Variants in RIMS2 observed in about 807,000 individuals in gnomAD.
RIMS2 encodes regulating synaptic membrane exocytosis 2.
A neutral mutation model predicts 174.4 loss-of-function variants in RIMS2; 59 were observed. The observed-to-expected ratio is 0.34, with a 90% confidence interval of 0.27 to 0.42. The LOEUF (loss-of-function observed/expected upper bound fraction) is 0.42, where lower values mean the gene tolerates loss of function less well. RIMS2 is among the 10% of genes least tolerant of loss of function. The pLI, the probability that RIMS2 is intolerant of heterozygous loss-of-function variation, is 1.00. For missense variants in RIMS2, 1,620 were observed against 1,666.3 expected (o/e 0.97, Z 0.48); for synonymous variants, 606 against 572.5 (o/e 1.06, Z -0.84).
intron 9 of RIMS2, among the ~76,000 whole-genome samples, chr8:103,919,326 C>T (rs184058285): frequency 2.0e-5 from 3 of 152,202 alleles, no homozygotes; most frequent in East Asian, 1.9e-4. Flanking sequence ...GGAAATTCAA[C>T]GAGGCCAGTG....
At chr8:104,239,918 A>G (rs2099277840) in intron 19 of RIMS2, among the ~76,000 whole-genome samples, 1 of 152,132 alleles carries the variant, frequency 6.6e-6, no homozygotes, top group African/African-American at 2.4e-5. Flanking sequence ...TCAGCTTTCA[A>G]GGCCCTTTCG....
At chr8:104,092,448 C>G (rs2097678020) in intron 19 of RIMS2, among the ~76,000 whole-genome samples, 1 of 151,690 alleles carries the variant, frequency 6.6e-6, no homozygotes, top group Non-Finnish European at 1.5e-5. Context: ...ATCTCTTAAC[C>G]CAATAGTAGT....
intron 3 of RIMS2, among the ~76,000 whole-genome samples, chr8:103,780,273 G>A (rs1486799207): frequency 1.3e-5 from 2 of 151,918 alleles, no homozygotes; most frequent in African/African-American, 4.8e-5. Context: ...CCTCTACCTG[G>A]ATATTTATGT....
intron 2 of RIMS2, among the ~76,000 whole-genome samples, chr8:103,728,393 T>C (rs920705129): frequency 3.3e-5 from 5 of 152,114 alleles, no homozygotes; most frequent in South Asian, 4.1e-4. Context: ...ATTTGACTTA[T>C]TTATTTCTCA....
chr8:104,137,180 A>C (rs2098528035), intron 19 of RIMS2, among the ~76,000 whole-genome samples: 1 of 152,218 alleles, frequency 6.6e-6, no homozygotes, highest in Non-Finnish European at 1.5e-5. Flanking sequence ...TCAAGGCCAC[A>C]GACCATCTCT....
intron 16 of RIMS2, chr8:103,977,471 A>T (rs2093549669): frequency 6.6e-6 from 1 of 152,202 alleles, no homozygotes; most frequent in South Asian, 2.1e-4. Context: ...AAAAGGAAAA[A>T]CCAAAATGTT....
intron 19 of RIMS2, among the ~76,000 whole-genome samples, chr8:104,213,890 A>AT (rs2099117493): frequency 8.6e-6 from 1 of 115,916 alleles, no homozygotes; most frequent in Non-Finnish European, 2.0e-5. Flanking sequence ...AAAAAAAAAA[A>AT]GAAGAAGAAG....
chr8:103,528,428 G>A (rs1445990527), intron 1 of RIMS2, among the ~76,000 whole-genome samples: 1 of 152,040 alleles, frequency 6.6e-6, no homozygotes, highest in Non-Finnish European at 1.5e-5. Context: ...GGCTTTTGTT[G>A]CCATTGCTTT....
chr8:104,191,160 G>C (rs185269498), intron 19 of RIMS2, among the ~76,000 whole-genome samples: 4 of 152,096 alleles, frequency 2.6e-5, no homozygotes, highest in Admixed American at 2.6e-4. Flanking sequence ...CAAGCTGTCA[G>C]TTGAAACATA....
At position 103,545,152 on chromosome 8, in the gene RIMS2, A is replaced by AACAAT. The variant is rs1844417251; in HGVS notation, c.176+44095_176+44099dup. Among the ~76,000 whole-genome samples the AACAAT allele has an allele frequency of 2.6e-5, 4 of 152,312 alleles. No homozygotes were observed. The South Asian group carries it at 8.3e-4, about 32-fold the overall frequency. Reference sequence around the variant, plus strand: ...CCAAAGAATCTAGGAAATACAATAAAACAATACAAGAGATAAAGACAAAAT... The same window carrying AACAAT: ...CCAAAGAATCTAGGAAATACAATAAAACAATACAATACAAGAGATAAAGACAAAAT... On this transcript the variant is annotated intron_variant, in intron 1 of 23. Coordinates refer to ENST00000504942, the Ensembl canonical transcript of RIMS2.
chr8:104,089,415 T>G (rs1176094183), intron 19 of RIMS2, among the ~76,000 whole-genome samples: 1 of 151,912 alleles, frequency 6.6e-6, no homozygotes, highest in Admixed American at 6.6e-5. Context: ...AAATGTTGAC[T>G]GTAGTATTAA....
chr8:103,581,788 GATACCTCACCACCAAA>G (rs1415245145), intron 1 of RIMS2, among the ~76,000 whole-genome samples: 6 of 152,178 alleles, frequency 3.9e-5, no homozygotes, highest in African/African-American at 1.4e-4. Context: ...CCCCCATAAG[GATACCTCACCACCAAA>G]GGCTGCATGT....
intron 1 of RIMS2, among the ~76,000 whole-genome samples, chr8:103,571,565 G>A (rs1416848450): frequency 1.3e-5 from 2 of 152,054 alleles, no homozygotes; most frequent in Admixed American, 6.5e-5. Flanking sequence ...TTTGTCATAT[G>A]TATATTTGTG....
chr8:104,001,478 C>T (rs529233362), intron 17 of RIMS2, among the ~76,000 whole-genome samples: 1 of 152,078 alleles, frequency 6.6e-6, no homozygotes, highest in East Asian at 1.9e-4. Context: ...CTTGAATCTA[C>T]CACCCAAACC....
At chr8:103,513,923 A>G (rs1415590547) in intron 1 of RIMS2, among the ~76,000 whole-genome samples, 1 of 152,160 alleles carries the variant, frequency 6.6e-6, no homozygotes, top group Non-Finnish European at 1.5e-5. Context: ...ATTTAAAACA[A>G]TTTAAATTTT....
At chr8:104,206,443 A>T (rs1385893107) in intron 19 of RIMS2, among the ~76,000 whole-genome samples, 1 of 152,170 alleles carries the variant, frequency 6.6e-6, no homozygotes, top group Non-Finnish European at 1.5e-5. Context: ...ATCATGGGAG[A>T]TGTTGCCTTG....
intron 1 of RIMS2, among the ~76,000 whole-genome samples, chr8:103,508,689 C>T (rs1012967091): frequency 6.6e-6 from 1 of 151,986 alleles, no homozygotes; most frequent in African/African-American, 2.4e-5. Flanking sequence ...GGAACAAAAA[C>T]CACTCTCATT....
intron 1 of RIMS2, among the ~76,000 whole-genome samples, chr8:103,579,002 A>G (rs1008256422): frequency 6.8e-6 from 1 of 146,640 alleles, no homozygotes; most frequent in Non-Finnish European, 1.5e-5. Context: ...AAAAAAAAAA[A>G]TAGAATATTG....
chr8:103,857,249 G>A (rs1050088310), intron 3 of RIMS2, among the ~76,000 whole-genome samples: 5 of 152,064 alleles, frequency 3.3e-5, no homozygotes, highest in South Asian at 2.1e-4. Context: ...TGAAAACTGC[G>A]GACATGGCTA....
Sources: gnomAD v4.1 joint callset for allele counts (sites outside exome capture counted in the v4.1 genomes callset) on GRCh38, gnomAD v4.1.1 for gene constraint, MANE v1.5 for transcripts, NCBI Gene and HGNC (gene_info 2026-07-23, HGNC 2026-07-21) for gene names.